ACTN1: variants seen among roughly 807,000 people sequenced by gnomAD.
The protein encoded by ACTN1 is alpha-actinin-1.
ACTN1 carries 30 observed loss-of-function variants against 119.6 expected under a neutral mutation model. The ratio of observed to expected loss-of-function variants is 0.25; its 90% confidence interval spans 0.19 to 0.34. The LOEUF (loss-of-function observed/expected upper bound fraction) is 0.34, where lower values mean the gene tolerates loss of function less well. ACTN1 is among the 10% of genes least tolerant of loss of function. The pLI is 1.00. For missense variants in ACTN1, 764 were observed against 1,223.4 expected, an observed-to-expected ratio of 0.62 and a Z score of 5.60; for synonymous variants, 429 against 472.6, an observed-to-expected ratio of 0.91 and a Z score of 1.20.
chr14:68,887,010 G>A (rs2093010), intron 11 of ACTN1: 16,110 of 152,370 alleles, frequency 0.11, 1,066 homozygotes, highest in African/African-American at 0.18. Context: ...TTTATTGGTT[G>A]AAGATCAGTA....
At chr14:68,954,910 G>A (rs2036302061) in intron 1 of ACTN1, among the ~76,000 whole-genome samples, 1 of 152,110 alleles carries the variant, frequency 6.6e-6, no homozygotes, top group Non-Finnish European at 1.5e-5. Flanking sequence ...CCTTCTCTGG[G>A]CCTCCAGATG....
rs546001372 is a variant in ACTN1, at chr14:68,968,729, C to T, written c.105+10223G>A. 1.8e-4 allele frequency among the ~76,000 whole-genome samples: 28 copies of T among 152,338 alleles called. 1 individual carries two copies. In the South Asian group the frequency reaches 5.2e-3, roughly 28 times the overall value. ...AAATACTTGCTGTAACCACCTGAAC[C>T]TTTCAGGTCTTTCCAAATACCCTCA... On this transcript the variant is annotated intron_variant, in intron 1 of 21. Coordinates refer to ENST00000394419, the MANE Select transcript of ACTN1 (RefSeq NM_001130004.2).
intron 1 of ACTN1, among the ~76,000 whole-genome samples, chr14:68,940,201 A>T (rs2035717222): frequency 6.6e-6 from 1 of 152,240 alleles, no homozygotes; most frequent in Non-Finnish European, 1.5e-5. Flanking sequence ...AGCTCCCAGC[A>T]GTGGCCAGCA....
intron 1 of ACTN1, among the ~76,000 whole-genome samples, chr14:68,969,290 C>A (rs564304135): frequency 8.5e-5 from 13 of 152,320 alleles, no homozygotes; most frequent in African/African-American, 3.1e-4. Context: ...AAAACACCTC[C>A]ATGCAGCCCC....
intron 1 of ACTN1, among the ~76,000 whole-genome samples, chr14:68,955,962 C>G (rs759402773): frequency 1.3e-5 from 2 of 152,118 alleles, no homozygotes; most frequent in Non-Finnish European, 2.9e-5. Context: ...CACAAGGAGA[C>G]AAAGCTTCAT....
Position 68,882,057 on chromosome 14 carries a change from T to C in ACTN1, c.1953+401A>G, listed in dbSNP as rs981901024. 1.5e-4 allele frequency among the ~76,000 whole-genome samples: 22 copies of C among 150,780 alleles called. No individual in the cohort carries two copies. Among genetic ancestry groups the C allele is most frequent in the Non-Finnish European group, 4.4e-5 (3 of 67,860 alleles). ...TTCAAGCGATTCTCCTGCCTCAGGC[T>C]CCCAAGTAGCTGGGATTATAGGCAC... On this transcript the variant is annotated intron_variant, in intron 16 of 21. Coordinates refer to ENST00000394419, the MANE Select transcript of ACTN1 (RefSeq NM_001130004.2). The surrounding 1 kb of genome is among the most constrained non-coding windows in gnomAD (Gnocchi z 4.5).
intron 1 of ACTN1, among the ~76,000 whole-genome samples, chr14:68,945,163 C>CAA (rs11408138): frequency 0.015 from 1,796 of 119,774 alleles, 52 homozygotes; most frequent in African/African-American, 0.046. Context: ...GACTCCGGTT[C>CAA]AAAAAAAAAA....
rs546461414 is a variant in ACTN1, at chr14:68,879,135, A to G, written c.2281-66T>C. On this transcript the variant is annotated intron_variant, in intron 18 of 21. Coordinates refer to ENST00000394419, the MANE Select transcript of ACTN1 (RefSeq NM_001130004.2). The surrounding 1 kb of genome is among the most constrained non-coding windows in gnomAD (Gnocchi z 4.9). The stretch of plus-strand genomic sequence containing the variant: ...AGGGAGGTGGAGCCGTGAGGGGGGC[A>G]TGCCCCGGGGGAGGGTGGCGTGTGT... 9.5e-6 allele frequency: 12 copies of G among 1,263,584 alleles called. No individual in the cohort carries two copies. The highest frequency in any genetic ancestry group is 4.5e-5 in the Admixed American group (2 of 44,350). 78.3% of individuals were successfully genotyped at this position (1,263,584 alleles called of 1,614,324 possible).
intron 1 of ACTN1, among the ~76,000 whole-genome samples, chr14:68,964,611 G>GC (rs1177928746): frequency 6.6e-6 from 1 of 152,164 alleles, no homozygotes; most frequent in Non-Finnish European, 1.5e-5. Flanking sequence ...AAGCCCAACT[G>GC]CCCCACTAAA....
At chr14:68,905,675 T>C (rs941491786) in intron 6 of ACTN1, among the ~76,000 whole-genome samples, 5 of 152,194 alleles carry the variant, frequency 3.3e-5, no homozygotes, top group African/African-American at 1.2e-4. Flanking sequence ...TAGAATGTTA[T>C]GCTCAGTGAA....
Position 68,925,767 on chromosome 14 carries a change from C to T in ACTN1, c.106-95G>A. Reference sequence around the variant, plus strand: ...ATGGTGCCAGGGGGTGGGAGGTGGACACCTACTCAGCAGAGCCTCTCAACA... The same window carrying T: ...ATGGTGCCAGGGGGTGGGAGGTGGATACCTACTCAGCAGAGCCTCTCAACA... On this transcript the variant is annotated intron_variant, in intron 1 of 21. Coordinates refer to ENST00000394419, the MANE Select transcript of ACTN1 (RefSeq NM_001130004.2). This position sits in a 1 kb window ranked among gnomAD's most constrained non-coding sequence, Gnocchi z 4.3. 1 of 930,022 alleles carries T rather than the reference C, an allele frequency of 1.1e-6. No homozygotes were observed. Among genetic ancestry groups the T allele is most frequent in the Non-Finnish European group, 1.7e-6 (1 of 604,218 alleles). 57.6% of individuals were successfully genotyped at this position (930,022 alleles called of 1,614,324 possible). A position where few individuals can be genotyped will look rare whatever the true frequency, so the allele number is the denominator to read the frequency against.
rs150904596 is a variant in ACTN1, at chr14:68,880,464, T to TACAC, written c.2133+342_2133+345dup. ...CCACAGCCACGCGCGCACACACACA[T>TACAC]ACACACACACACACTCTTGCACAGT... On this transcript the variant is annotated intron_variant, in intron 17 of 21. Coordinates refer to ENST00000394419, the MANE Select transcript of ACTN1 (RefSeq NM_001130004.2). This position sits in a 1 kb window ranked among gnomAD's most constrained non-coding sequence, Gnocchi z 4.6. 0.25 allele frequency among the ~76,000 whole-genome samples: 37,263 copies of TACAC among 151,298 alleles called. 4,883 individuals are homozygous for TACAC. The highest frequency in any genetic ancestry group is 0.36 in the Admixed American group (5,477 of 15,188).
At chr14:68,914,941 C>T (rs1035250289) in intron 3 of ACTN1, among the ~76,000 whole-genome samples, 6 of 152,164 alleles carry the variant, frequency 3.9e-5, no homozygotes, top group African/African-American at 7.2e-5. Flanking sequence ...ACAAGGAGCA[C>T]GCATTTTACA....
At chr14:68,951,165 A>T (rs2036153553) in intron 1 of ACTN1, among the ~76,000 whole-genome samples, 1 of 152,130 alleles carries the variant, frequency 6.6e-6, no homozygotes, top group Non-Finnish European at 1.5e-5. Flanking sequence ...CAACGGGGTG[A>T]CGGGCAGGCT....
chr14:68,956,107 G>A (rs1010761300), intron 1 of ACTN1, among the ~76,000 whole-genome samples: 8 of 152,192 alleles, frequency 5.3e-5, no homozygotes, highest in South Asian at 2.1e-4. Flanking sequence ...CAAGGCTGTC[G>A]TGAGCTATGA....
intron 21 of ACTN1, among the ~76,000 whole-genome samples, chr14:68,875,751 C>A (rs181457): frequency 6.6e-6 from 1 of 152,240 alleles, no homozygotes; most frequent in African/African-American, 2.4e-5. Flanking sequence ...CTGCCACTGT[C>A]AAGCCAAAAG....
intron 1 of ACTN1, among the ~76,000 whole-genome samples, chr14:68,969,363 A>G (rs1320183610): frequency 2.6e-5 from 4 of 152,218 alleles, no homozygotes; most frequent in Non-Finnish European, 5.9e-5. Context: ...CCCTGCCTCC[A>G]GGAAAACACA....
chr14:68,919,520 A>G (rs530814822), intron 3 of ACTN1, among the ~76,000 whole-genome samples: 1 of 152,344 alleles, frequency 6.6e-6, no homozygotes, highest in South Asian at 2.1e-4. Context: ...AGCAGATTAT[A>G]CTGCTATATG....
Position 68,950,462 on chromosome 14 carries a change from G to GTGTGTGTGTGTGTGTGTGTGTATATATA in ACTN1, c.106-24791_106-24790insTATATATACACACACACACACACACACA. 7.2e-3 allele frequency among the ~76,000 whole-genome samples: 901 copies of GTGTGTGTGTGTGTGTGTGTGTATATATA among 125,920 alleles called. 71 individuals are homozygous for GTGTGTGTGTGTGTGTGTGTGTATATATA. Among genetic ancestry groups the GTGTGTGTGTGTGTGTGTGTGTATATATA allele is most frequent in the African/African-American group, 0.034 (834 of 24,320 alleles). The allele number at this position is 125,920 out of a possible 152,430, so 82.6% of individuals were successfully genotyped here. A position where few individuals can be genotyped will look rare whatever the true frequency, so the allele number is the denominator to read the frequency against. On this transcript the variant is annotated intron_variant, in intron 1 of 21. Transcript: ENST00000394419. ...TTTACCATAATATATATGCGTGTGT[G>GTGTGTGTGTGTGTGTGTGTGTATATATA]TATATATATATATATAAATCAAACA...
Sources: gnomAD v4.1 joint callset for allele counts (sites outside exome capture counted in the v4.1 genomes callset) on GRCh38, gnomAD v4.1.1 for gene constraint, Gnocchi (gnomAD v3.1) non-coding constraint, MANE v1.5 for transcripts, NCBI Gene and HGNC (gene_info 2026-07-23, HGNC 2026-07-21) for gene names.